Variants in PRDM5 observed in about 807,000 individuals in gnomAD.
The protein encoded by PRDM5 is PR domain zinc finger protein 5.
PRDM5 carries 56 observed loss-of-function variants against 81.2 expected under a neutral mutation model. The observed-to-expected ratio is 0.69, with a 90% confidence interval of 0.56 to 0.86. The LOEUF is 0.86. Ranked by LOEUF, PRDM5 falls within the 40% of genes least tolerant of loss-of-function variation. The probability of loss-of-function intolerance (pLI) is 0.00; values close to 1 mark genes in which losing one functional copy is unlikely to be tolerated. For synonymous variants in PRDM5, 267 were observed against 256.4 expected, an observed-to-expected ratio of 1.04 and a Z score of -0.39; for missense variants, 697 against 770.1, an observed-to-expected ratio of 0.91 and a Z score of 1.12.
intron 15 of PRDM5, among the ~76,000 whole-genome samples, chr4:120,698,496 C>G (rs780618138): frequency 2.0e-5 from 3 of 152,130 alleles, no homozygotes; most frequent in Non-Finnish European, 2.9e-5. Flanking sequence ...GGTATTTTCT[C>G]CTCTGGTGAT....
chr4:120,840,729 C>G (rs1757936076), intron 3 of PRDM5, among the ~76,000 whole-genome samples: 1 of 152,198 alleles, frequency 6.6e-6, no homozygotes, highest in Admixed American at 6.5e-5. Flanking sequence ...CCACGATAGG[C>G]CTGACAGGCG....
chr4:120,778,790 G>C (rs1027746045), intron 12 of PRDM5, among the ~76,000 whole-genome samples: 8 of 152,014 alleles, frequency 5.3e-5, no homozygotes, highest in Non-Finnish European at 7.4e-5. Flanking sequence ...ACTACAAGCT[G>C]ATATACAAAA....
At chr4:120,742,748 G>C (rs1053006866) in intron 14 of PRDM5, among the ~76,000 whole-genome samples, 1 of 152,058 alleles carries the variant, frequency 6.6e-6, no homozygotes, top group Non-Finnish European at 1.5e-5. Flanking sequence ...AAAAAGAAAC[G>C]AGCAAAGCCT....
At chr4:120,703,694 T>A (rs1486339253) in intron 15 of PRDM5, among the ~76,000 whole-genome samples, 1 of 152,134 alleles carries the variant, frequency 6.6e-6, no homozygotes, top group Admixed American at 6.5e-5. Context: ...TAAGTAGATA[T>A]TAGTATTACT....
At chr4:120,860,353 T>C (rs1212174060) in intron 2 of PRDM5, among the ~76,000 whole-genome samples, 1 of 152,198 alleles carries the variant, frequency 6.6e-6, no homozygotes, top group Non-Finnish European at 1.5e-5. Context: ...AAGCACTCCA[T>C]GTCTTTGCCT....
At chr4:120,760,331 C>T (rs1745419921) in intron 13 of PRDM5, among the ~76,000 whole-genome samples, 1 of 152,024 alleles carries the variant, frequency 6.6e-6, no homozygotes, top group Non-Finnish European at 1.5e-5. Context: ...AAAGCAGTTC[C>T]CAAGTGAATC....
chr4:120,800,137 A>C (rs986357656), intron 8 of PRDM5, among the ~76,000 whole-genome samples: 1 of 152,202 alleles, frequency 6.6e-6, no homozygotes, highest in African/African-American at 2.4e-5. Context: ...TTTTAAACTT[A>C]AATGTACATA....
At chr4:120,870,460 TG>T (rs1761657778) in intron 2 of PRDM5, among the ~76,000 whole-genome samples, 1 of 150,508 alleles carries the variant, frequency 6.6e-6, no homozygotes, top group African/African-American at 2.5e-5. Context: ...TAGTGGGAGG[TG>T]GGGGAACAGC....
rs1554012187 is a variant in PRDM5, at chr4:120,914,823, TAA to T, written c.94-7268_94-7267del. Reference sequence around the variant, plus strand: ...TACACAATGTAATACTATTCAGCCATAAAAAATAACAAAATAATGTCTCTGGC... The same window carrying T: ...TACACAATGTAATACTATTCAGCCATAAAATAACAAAATAATGTCTCTGGC... On this transcript the variant is annotated intron_variant, in intron 1 of 15. Coordinates refer to ENST00000264808, the MANE Select transcript of PRDM5 (RefSeq NM_018699.4). Among the ~76,000 whole-genome samples, 25 of 152,210 alleles carry T rather than the reference TAA, an allele frequency of 1.6e-4. No individual in the cohort carries two copies. In the Middle Eastern group the frequency reaches 0.01, roughly 62 times the overall value.
At chr4:120,782,343 T>C (rs989106197) in intron 11 of PRDM5, among the ~76,000 whole-genome samples, 3 of 152,132 alleles carry the variant, frequency 2.0e-5, no homozygotes, top group Non-Finnish European at 4.4e-5. Context: ...AATAAGAGAT[T>C]ATCTCAATTT....
At chr4:120,868,933 C>T (rs1761490670) in intron 2 of PRDM5, among the ~76,000 whole-genome samples, 2 of 152,074 alleles carry the variant, frequency 1.3e-5, no homozygotes, top group African/African-American at 4.8e-5. Context: ...CATTAATATG[C>T]AAATTGGAAA....
intron 3 of PRDM5, among the ~76,000 whole-genome samples, chr4:120,829,956 G>T (rs1756505406): frequency 6.6e-6 from 1 of 151,950 alleles, no homozygotes; most frequent in African/African-American, 2.4e-5. Context: ...AAACAGTAAA[G>T]ATTTCATATT....
chr4:120,830,841 CA>C (rs377200671), intron 3 of PRDM5, among the ~76,000 whole-genome samples: 3,001 of 151,782 alleles, frequency 0.02, 41 homozygotes, highest in Middle Eastern at 0.034. Flanking sequence ...CTATATTAAA[CA>C]AAAAAATCAA....
chr4:120,723,729 C>T lies in PRDM5; in HGVS notation c.1624-13316G>A, dbSNP rs114042063. ...TATGCCGACTGATATATATAGTGTC[C>T]AAGGCAAAAATGTTGAGTTTCAAAT... On this transcript the variant is annotated intron_variant, in intron 14 of 15. Transcript: ENST00000264808. 9.1e-3 allele frequency among the ~76,000 whole-genome samples: 1,379 copies of T among 151,788 alleles called. 23 individuals are homozygous for T. The highest frequency in any genetic ancestry group is 0.031 in the African/African-American group (1,283 of 41,398).
chr4:120,712,480 A>G (rs1737152838), intron 14 of PRDM5, among the ~76,000 whole-genome samples: 1 of 152,046 alleles, frequency 6.6e-6, no homozygotes, highest in African/African-American at 2.4e-5. Context: ...CCTTTTCAAT[A>G]CAGGTGCCGC....
chr4:120,870,906 A>G (rs1016680793), intron 2 of PRDM5, among the ~76,000 whole-genome samples: 6 of 152,156 alleles, frequency 3.9e-5, no homozygotes, highest in Admixed American at 3.9e-4. Flanking sequence ...CACCTACTAT[A>G]TGTTAGAGGT....
intron 10 of PRDM5, among the ~76,000 whole-genome samples, chr4:120,789,893 A>G (rs1157708791): frequency 1.3e-5 from 2 of 152,184 alleles, no homozygotes; most frequent in Non-Finnish European, 2.9e-5. Flanking sequence ...AGTCTTGCAG[A>G]GCCAAGTCCA....
intron 1 of PRDM5, among the ~76,000 whole-genome samples, chr4:120,686,859 T>C (rs745977704): frequency 6.6e-6 from 1 of 152,008 alleles, no homozygotes; most frequent in Admixed American, 6.6e-5. Context: ...TATGTTTCTA[T>C]ACTTAAGTTA....
At chr4:120,747,428 G>T (rs1277576705) in intron 14 of PRDM5, among the ~76,000 whole-genome samples, 1 of 151,756 alleles carries the variant, frequency 6.6e-6, no homozygotes, top group Non-Finnish European at 1.5e-5. Context: ...AAAACTTTAA[G>T]TATAATAATA....
Sources: gnomAD v4.1 joint callset for allele counts (sites outside exome capture counted in the v4.1 genomes callset) on GRCh38, gnomAD v4.1.1 for gene constraint, MANE v1.5 for transcripts, NCBI Gene and HGNC (gene_info 2026-07-23, HGNC 2026-07-21) for gene names.